Variants in SLC44A5 observed in about 807,000 individuals in gnomAD.
The protein encoded by SLC44A5 is solute carrier family 44 member 5.
A neutral mutation model predicts 101.8 loss-of-function variants in SLC44A5; 57 were observed. The ratio of observed to expected loss-of-function variants is 0.56; its 90% CI spans 0.45 to 0.70. The LOEUF (loss-of-function observed/expected upper bound fraction) is 0.70. SLC44A5 is among the 30% of genes least tolerant of loss of function. The pLI, the probability that SLC44A5 is intolerant of heterozygous loss-of-function variation, is 0.00. For synonymous variants in SLC44A5, 281 were observed against 290.9 expected (o/e 0.97, Z 0.35); for missense variants, 737 against 853.1 (o/e 0.86, Z 1.70).
At chr1:75,424,032 A>G (rs1347669824) in intron 2 of SLC44A5, among the ~76,000 whole-genome samples, 1 of 152,188 alleles carries the variant, frequency 6.6e-6, no homozygotes, top group Non-Finnish European at 1.5e-5. Flanking sequence ...GGAATTAATC[A>G]TGCATTCCAA....
At chr1:75,240,483 G>A (rs1019613059) in intron 9 of SLC44A5, among the ~76,000 whole-genome samples, 2 of 152,038 alleles carry the variant, frequency 1.3e-5, no homozygotes, top group African/African-American at 4.8e-5. Context: ...GTACTTGTAA[G>A]GGCAGAGACT....
chr1:75,442,380 T>C (rs534618001), intron 2 of SLC44A5, among the ~76,000 whole-genome samples: 22 of 152,066 alleles, frequency 1.4e-4, no homozygotes, highest in Non-Finnish European at 2.6e-4. Context: ...ACAAAAAGTG[T>C]CTTCTTAACC....
chr1:75,645,089 G>A, the SLC44A5 span, among the ~76,000 whole-genome samples: 96 of 152,050 alleles, frequency 6.3e-4, no homozygotes, highest in Admixed American at 9.2e-4. Flanking sequence ...ATAAACATAT[G>A]TGTGCATGTG....
chr1:75,508,748 A>G (rs1669403658), intron 2 of SLC44A5, among the ~76,000 whole-genome samples: 1 of 150,010 alleles, frequency 6.7e-6, no homozygotes, highest in African/African-American at 2.5e-5. Context: ...AAAAATCTAG[A>G]TGAAATGGAG....
intron 5 of SLC44A5, among the ~76,000 whole-genome samples, chr1:75,281,639 C>A (rs367833575): frequency 6.6e-3 from 90 of 13,704 alleles, no homozygotes; most frequent in Middle Eastern, 0.019. Context: ...GTGCCAGGCC[C>A]CCCCCCCCCC....
chr1:75,400,500 T>C (rs926137893), intron 2 of SLC44A5, among the ~76,000 whole-genome samples: 2 of 152,234 alleles, frequency 1.3e-5, no homozygotes, highest in Non-Finnish European at 2.9e-5. Context: ...AGGTTACGCA[T>C]TTTTAAGTAC....
At chr1:75,544,770 T>C (rs1671552680) in intron 1 of SLC44A5, among the ~76,000 whole-genome samples, 1 of 152,242 alleles carries the variant, frequency 6.6e-6, no homozygotes, top group African/African-American at 2.4e-5. Context: ...AGATTCAAGA[T>C]CACACATTAC....
At chr1:75,364,831 C>T (rs1659745277) in intron 3 of SLC44A5, among the ~76,000 whole-genome samples, 1 of 152,180 alleles carries the variant, frequency 6.6e-6, no homozygotes, top group African/African-American at 2.4e-5. Flanking sequence ...TGTCATGGAG[C>T]TCACTGATTC....
chr1:75,564,614 T>TATTTATTTATTTATTTATTTATTC (rs1672694894), intron 1 of SLC44A5, among the ~76,000 whole-genome samples: 1 of 148,268 alleles, frequency 6.7e-6, no homozygotes, highest in African/African-American at 2.5e-5. Flanking sequence ...TTTATTTATT[T>TATTTATTTATTTATTTATTTATTC]ATTTATTTAT....
intron 1 of SLC44A5, among the ~76,000 whole-genome samples, chr1:75,559,446 C>A (rs1439302121): frequency 6.6e-6 from 1 of 152,008 alleles, no homozygotes; most frequent in Non-Finnish European, 1.5e-5. Context: ...TCAGTTAGCA[C>A]CAAATATTGG....
chr1:75,398,844 G>GT, intron 2 of SLC44A5, among the ~76,000 whole-genome samples: 1 of 151,818 alleles, frequency 6.6e-6, no homozygotes, highest in Non-Finnish European at 1.5e-5. Flanking sequence ...TGGTGTCTGC[G>GT]TAAGATACCA....
At chr1:75,233,591 A>G (rs923932977) in intron 12 of SLC44A5, among the ~76,000 whole-genome samples, 2 of 152,202 alleles carry the variant, frequency 1.3e-5, no homozygotes, top group Admixed American at 6.5e-5. Context: ...CTAAGTTGAA[A>G]GAGAAAAATA....
intron 2 of SLC44A5, among the ~76,000 whole-genome samples, chr1:75,398,186 C>G (rs2101412650): frequency 6.6e-6 from 1 of 152,210 alleles, no homozygotes; most frequent in South Asian, 2.1e-4. Context: ...TAAAAAACAA[C>G]AAAATTCGAG....
the SLC44A5 span, among the ~76,000 whole-genome samples, chr1:75,666,953 A>C: frequency 6.6e-6 from 1 of 152,220 alleles, no homozygotes; most frequent in Non-Finnish European, 1.5e-5. Flanking sequence ...AATAAGAGCT[A>C]TTTATGACAA....
At chr1:75,720,064 A>T in the SLC44A5 span, among the ~76,000 whole-genome samples, 1 of 152,084 alleles carries the variant, frequency 6.6e-6, no homozygotes, top group African/African-American at 2.4e-5. Flanking sequence ...ACTTACTGTA[A>T]ATCCTGCCCT....
At chr1:75,306,741 T>TTTTC (rs1476698634) in intron 4 of SLC44A5, among the ~76,000 whole-genome samples, 9 of 123,410 alleles carry the variant, frequency 7.3e-5, no homozygotes, top group Non-Finnish European at 1.6e-4. Context: ...TTCTTTTTTT[T>TTTTC]TTTTTTTTTT....
At chr1:75,612,649 G>A (rs1418473093), upstream of SLC44A5, among the ~76,000 whole-genome samples, 1 of 151,972 alleles carries the variant, frequency 6.6e-6, no homozygotes, top group Non-Finnish European at 1.5e-5. Context: ...TTACTTCATT[G>A]TCTATCATGT....
At chr1:75,513,884 G>A (rs1337950023) in intron 2 of SLC44A5, among the ~76,000 whole-genome samples, 2 of 152,182 alleles carry the variant, frequency 1.3e-5, no homozygotes, top group Non-Finnish European at 2.9e-5. Context: ...ACAGCCTGGA[G>A]TGCAGTGGCA....
chr1:75,309,285 C>T (rs1655126205), intron 4 of SLC44A5, among the ~76,000 whole-genome samples: 2 of 152,112 alleles, frequency 1.3e-5, no homozygotes, highest in Admixed American at 6.5e-5. Context: ...CTCCATAAAA[C>T]ATTTTAAAAA....
Sources: gnomAD v4.1 joint callset for allele counts (sites outside exome capture counted in the v4.1 genomes callset) on GRCh38, gnomAD v4.1.1 for gene constraint, MANE v1.5 for transcripts, NCBI Gene and HGNC (gene_info 2026-07-23, HGNC 2026-07-21) for gene names.